Variants in SCAI observed in about 807,000 individuals in gnomAD.
SCAI encodes suppressor of cancer cell invasion, also known as protein SCAI.
SCAI carries 24 observed loss-of-function variants against 92.2 expected under a neutral mutation model. The ratio of observed to expected loss-of-function variants is 0.26; its 90% confidence interval spans 0.19 to 0.37. The LOEUF (loss-of-function observed/expected upper bound fraction) is 0.37. SCAI is among the 10% of genes least tolerant of loss of function. The pLI is 1.00. For missense variants in SCAI, 450 were observed against 736.2 expected, an observed-to-expected ratio of 0.61 and a Z score of 4.50; for synonymous variants, 261 against 258.6, an observed-to-expected ratio of 1.01 and a Z score of -0.09.
At chr9:125,089,601 T>C (rs557108618) in intron 2 of SCAI, among the ~76,000 whole-genome samples, 1 of 152,276 alleles carries the variant, frequency 6.6e-6, no homozygotes, top group South Asian at 2.1e-4. Context: ...AATCAGAATT[T>C]GCATTTCAAC....
At chr9:125,030,409 C>T (rs1833050998) in intron 3 of SCAI, among the ~76,000 whole-genome samples, 1 of 152,208 alleles carries the variant, frequency 6.6e-6, no homozygotes, top group Non-Finnish European at 1.5e-5. Context: ...GTTCTTCAGC[C>T]TGGAACACTG....
chr9:125,044,061 T>C (rs1329235058), intron 3 of SCAI, among the ~76,000 whole-genome samples: 1 of 152,118 alleles, frequency 6.6e-6, no homozygotes, highest in Non-Finnish European at 1.5e-5. Context: ...TGGCACCCAC[T>C]CTGGGGTGGA....
At chr9:125,118,921 GCAC>G (rs1182129062) in intron 2 of SCAI, among the ~76,000 whole-genome samples, 1 of 152,188 alleles carries the variant, frequency 6.6e-6, no homozygotes, top group Non-Finnish European at 1.5e-5. Flanking sequence ...TGGTGTATAT[GCAC>G]CACATTTTCT....
chr9:125,084,158 CTTTTTTTTTTTTTTT>C (rs34786493), intron 2 of SCAI, among the ~76,000 whole-genome samples: 2 of 65,116 alleles, frequency 3.1e-5, no homozygotes, highest in Non-Finnish European at 5.6e-5. Context: ...TTGGCTGCTG[CTTTTTTTTTTTTTTT>C]TTTTTTTTTT....
intron 2 of SCAI, among the ~76,000 whole-genome samples, chr9:125,097,198 C>T (rs1347899450): frequency 6.6e-6 from 1 of 152,040 alleles, no homozygotes; most frequent in Non-Finnish European, 1.5e-5. Context: ...TTTGGGAGAC[C>T]GAGGTGGGCA....
rs527312200 is a variant in SCAI at position 125,021,733 on chromosome 9, G to C, written c.513-964C>G. The stretch of plus-strand genomic sequence containing the variant: ...TTTTTAAAAAATTCTTTCGACCCAT[G>C]AGTTACTTAGAAATGTGTCTATTGA... On this transcript the variant is annotated intron_variant, in intron 6 of 17. Coordinates refer to ENST00000336505, the MANE Select transcript of SCAI (RefSeq NM_001144877.3). 2.3e-4 allele frequency among the ~76,000 whole-genome samples: 35 copies of C among 152,150 alleles called. 2 individuals are homozygous for C. The South Asian group carries it at 7.3e-3, about 32-fold the overall frequency.
chr9:125,114,451 A>C lies in SCAI; in HGVS notation c.98+28182T>G, dbSNP rs1464998493. On this transcript the variant is annotated intron_variant, in intron 2 of 17. Coordinates refer to ENST00000336505, the MANE Select transcript of SCAI (RefSeq NM_001144877.3). ...TAATGGCTAAATTTTTAAAATACCA[A>C]GTGCTGGCAAGGAAAGAAACTGGAA... 3.9e-5 allele frequency among the ~76,000 whole-genome samples: 6 copies of C among 152,198 alleles called. No homozygotes were observed. The East Asian group carries it at 9.6e-4, about 24-fold the overall frequency.
chr9:125,125,137 C>T (rs1420259040), intron 2 of SCAI, among the ~76,000 whole-genome samples: 1 of 152,152 alleles, frequency 6.6e-6, no homozygotes, highest in Non-Finnish European at 1.5e-5. Context: ...AGGAGAATCG[C>T]TTAAATCCGG....
intron 9 of SCAI, among the ~76,000 whole-genome samples, chr9:125,006,767 G>A (rs557294473): frequency 1.3e-5 from 2 of 152,284 alleles, no homozygotes; most frequent in South Asian, 4.1e-4. Flanking sequence ...GGGGATTACA[G>A]GTGTGAGCCA....
rs1319779266 is a variant in SCAI at position 124,947,093 on chromosome 9, C to A, written c.*5714G>T. 1 of 152,092 alleles carries A rather than the reference C, an allele frequency of 6.6e-6. No homozygotes were observed. Among genetic ancestry groups the A allele is most frequent in the East Asian group, 1.9e-4 (1 of 5,200 alleles). 9.4% of individuals were successfully genotyped at this position (152,092 alleles called of 1,614,324 possible). ...GATGAAAAAAGAATTGTTCCAAAATCAAAATTCAGTATGAGGCATAAAAAT... is the reference window on the plus strand; with the variant it reads ...GATGAAAAAAGAATTGTTCCAAAATAAAAATTCAGTATGAGGCATAAAAAT... On this transcript the variant is annotated 3_prime_UTR_variant, in exon 18 of 18. Transcript: ENST00000336505.
intron 2 of SCAI, among the ~76,000 whole-genome samples, chr9:125,071,252 A>G (rs917433793): frequency 1.1e-4 from 17 of 152,164 alleles, no homozygotes; most frequent in Admixed American, 2.0e-4. Context: ...GTAAAAAATC[A>G]GCCTGGCATG....
intron 3 of SCAI, among the ~76,000 whole-genome samples, chr9:125,032,197 T>A (rs10986523): frequency 0.024 from 2,004 of 84,068 alleles, 15 homozygotes; most frequent in South Asian, 0.044. Flanking sequence ...ATATATATAT[T>A]TTTTTTTTTT....
At chr9:124,980,668 TG>T (rs1831867013) in intron 14 of SCAI, among the ~76,000 whole-genome samples, 1 of 152,200 alleles carries the variant, frequency 6.6e-6, no homozygotes, top group South Asian at 2.1e-4. Flanking sequence ...ACTTGTTGGT[TG>T]GGTAATTAAG....
chr9:124,978,507 A>G (rs988645466), intron 14 of SCAI, among the ~76,000 whole-genome samples: 4 of 152,230 alleles, frequency 2.6e-5, no homozygotes, highest in Non-Finnish European at 5.9e-5. Context: ...CACTGTTGGC[A>G]AGAATGTGGG....
chr9:125,080,328 T>G (rs1358239136), intron 2 of SCAI, among the ~76,000 whole-genome samples: 1 of 152,202 alleles, frequency 6.6e-6, no homozygotes, highest in Non-Finnish European at 1.5e-5. Flanking sequence ...AGGACCCTCA[T>G]AGTATGCATC....
chr9:125,039,279 C>T (rs891536369), intron 3 of SCAI, among the ~76,000 whole-genome samples: 2 of 149,856 alleles, frequency 1.3e-5, no homozygotes, highest in East Asian at 2.0e-4. Context: ...CCCAGCCACT[C>T]GGGAGGCTGA....
At chr9:125,061,047 C>T (rs554147497) in intron 2 of SCAI, among the ~76,000 whole-genome samples, 1 of 152,162 alleles carries the variant, frequency 6.6e-6, no homozygotes, top group African/African-American at 2.4e-5. Context: ...CCTGTAATCC[C>T]AGCACTTTGG....
intron 2 of SCAI, among the ~76,000 whole-genome samples, chr9:125,092,545 CA>C (rs1375034921): frequency 6.6e-6 from 1 of 151,724 alleles, no homozygotes; most frequent in Non-Finnish European, 1.5e-5. Flanking sequence ...CTATTGTAGC[CA>C]CACATATTAT....
At chr9:125,142,553 G>T in intron 2 of SCAI, 80 bp downstream of exon 2, 1 of 981,740 alleles carries the variant, frequency 1.0e-6, no homozygotes, top group Non-Finnish European at 1.6e-6. Context: ...TCTACTGACA[G>T]TATACAATTA....
Sources: allele counts gnomAD v4.1 joint callset (sites outside exome capture counted in the v4.1 genomes callset), GRCh38; gene constraint gnomAD v4.1.1; transcripts MANE v1.5; gene names NCBI Gene and HGNC (gene_info 2026-07-23, HGNC 2026-07-21).